RALYL: variants seen among roughly 807,000 people sequenced by gnomAD.
RALYL encodes RNA-binding Raly-like protein.
RALYL carries 29 observed loss-of-function variants against 35.1 expected under a neutral mutation model. The ratio of observed to expected loss-of-function variants is 0.83; its 90% CI spans 0.61 to 1.13. The LOEUF is 1.13. Ranked by LOEUF, RALYL falls within the 50% of genes most tolerant of loss-of-function variation. The pLI, the probability that RALYL is intolerant of heterozygous loss-of-function variation, is 0.00. For missense variants in RALYL, 359 were observed against 360.4 expected, an observed-to-expected ratio of 1.00 and a Z score of 0.03; for synonymous variants, 120 against 127.6, an observed-to-expected ratio of 0.94 and a Z score of 0.40.
intron 1 of RALYL, among the ~76,000 whole-genome samples, chr8:84,467,570 G>T (rs1325174909): frequency 6.7e-6 from 1 of 149,772 alleles, no homozygotes; most frequent in African/African-American, 2.4e-5. Context: ...CAAGTATGTG[G>T]TCAATTTTGG....
intron 4 of RALYL, among the ~76,000 whole-genome samples, chr8:84,814,820 G>T (rs1203266604): frequency 1.3e-5 from 2 of 152,158 alleles, no homozygotes; most frequent in Admixed American, 1.3e-4. Flanking sequence ...AAAAAGACCT[G>T]TTACTTCTTT....
At chr8:84,913,026 G>GGGTAGGTAGGTA (rs777817157) in intron 8 of RALYL, among the ~76,000 whole-genome samples, 1 of 98,980 alleles carries the variant, frequency 1.0e-5, no homozygotes, top group South Asian at 3.0e-4. Flanking sequence ...ATGGATGGAT[G>GGGTAGGTAGGTA]GATGGATAGG....
intron 2 of RALYL, among the ~76,000 whole-genome samples, chr8:84,557,851 T>G (rs892325886): frequency 6.6e-6 from 1 of 151,920 alleles, no homozygotes. Context: ...CAAAAGAAGA[T>G]TTTGCAATAA....
chr8:84,759,546 T>C (rs1812203988), intron 2 of RALYL, among the ~76,000 whole-genome samples: 1 of 152,174 alleles, frequency 6.6e-6, no homozygotes, highest in African/African-American at 2.4e-5. Flanking sequence ...ATAAAATTTT[T>C]ACCTTAAAGT....
intron 4 of RALYL, among the ~76,000 whole-genome samples, chr8:84,826,387 T>A (rs1301692778): frequency 6.6e-6 from 1 of 151,842 alleles, no homozygotes; most frequent in Non-Finnish European, 1.5e-5. Flanking sequence ...TTAATGTATG[T>A]GAAATGTTTG....
chr8:84,844,442 T>G (rs1411640485), intron 4 of RALYL, among the ~76,000 whole-genome samples: 3 of 152,238 alleles, frequency 2.0e-5, no homozygotes, highest in Admixed American at 6.5e-5. Context: ...CCAGTTAGAA[T>G]GGCAATCATT....
intron 2 of RALYL, among the ~76,000 whole-genome samples, chr8:84,562,979 C>T (rs549641631): frequency 4.0e-5 from 6 of 151,848 alleles, no homozygotes; most frequent in Non-Finnish European, 5.9e-5. Context: ...CAAAGCTTTC[C>T]TTGCAGAGAA....
At chr8:84,277,803 G>C (rs1458347033) in intron 1 of RALYL, among the ~76,000 whole-genome samples, 1 of 152,192 alleles carries the variant, frequency 6.6e-6, no homozygotes. Context: ...CACATCTAGG[G>C]CATGCTGATG....
rs1833294622 is a variant in RALYL, at chr8:84,671,761, T to G, written c.257-102818T>G. ...GCCTGGGCCCAGCCCACGAAACCATTTTTTCCTTCTAGGCCTCTGGGCCTG... is the reference window on the plus strand; with the variant it reads ...GCCTGGGCCCAGCCCACGAAACCATGTTTTCCTTCTAGGCCTCTGGGCCTG... On this transcript the variant is annotated intron_variant, in intron 2 of 8. Transcript: ENST00000521268. Among the ~76,000 whole-genome samples the G allele has an allele frequency of 2.0e-5, 3 of 152,124 alleles. No homozygotes were observed. In the South Asian group the frequency reaches 6.2e-4, roughly 32 times the overall value.
rs80281272 is a variant in RALYL, at chr8:84,287,173, G to C, written c.-24+102749G>C. 4.6e-3 allele frequency among the ~76,000 whole-genome samples: 700 copies of C among 152,266 alleles called. 8 individuals carry two copies. The highest frequency in any genetic ancestry group is 0.016 in the African/African-American group (681 of 41,556). On this transcript the variant is annotated intron_variant, in intron 1 of 8. Transcript: ENST00000521268. ...TTTCCATGCTTGGGAGTAGGGGTCAGGGAGTAGGCCTCTAAGAGGGATCTC... is the reference window on the plus strand; with the variant it reads ...TTTCCATGCTTGGGAGTAGGGGTCACGGAGTAGGCCTCTAAGAGGGATCTC...
intron 2 of RALYL, among the ~76,000 whole-genome samples, chr8:84,753,634 C>G (rs541932346): frequency 6.6e-6 from 1 of 152,090 alleles, no homozygotes; most frequent in Non-Finnish European, 1.5e-5. Context: ...CTCATGAGAT[C>G]TGATTGTTTA....
intron 2 of RALYL, among the ~76,000 whole-genome samples, chr8:84,753,654 G>A (rs1810621313): frequency 6.6e-6 from 1 of 152,046 alleles, no homozygotes; most frequent in African/African-American, 2.4e-5. Flanking sequence ...AAAAGTGTAT[G>A]GCACCTCTTC....
rs189418733 is a variant in RALYL, at chr8:84,261,081, T to C, written c.-24+76657T>C. 9.6e-4 allele frequency among the ~76,000 whole-genome samples: 143 copies of C among 149,516 alleles called. 1 individual carries two copies. The highest frequency in any genetic ancestry group is 3.4e-3 in the Middle Eastern group (1 of 292). ...TAAATATGGTTTGTCCCACTAACTT[T>C]GTGTAACTACAGTAGTTATTTACAG... On this transcript the variant is annotated intron_variant, in intron 1 of 8. Coordinates refer to ENST00000521268, the MANE Select transcript of RALYL (RefSeq NM_173848.7).
chr8:84,510,864 A>T (rs1049732165), intron 1 of RALYL, among the ~76,000 whole-genome samples: 1 of 152,014 alleles, frequency 6.6e-6, no homozygotes, highest in African/African-American at 2.4e-5. Flanking sequence ...ATGTTTTGAT[A>T]TATGTATACA....
chr8:84,487,478 T>A (rs902445537), intron 1 of RALYL, among the ~76,000 whole-genome samples: 1 of 152,058 alleles, frequency 6.6e-6, no homozygotes, highest in African/African-American at 2.4e-5. Flanking sequence ...ATTCTGGAAA[T>A]GGTGGTTGGT....
intron 1 of RALYL, among the ~76,000 whole-genome samples, chr8:84,454,330 C>G (rs545460003): frequency 0.043 from 6,533 of 151,950 alleles, 166 homozygotes; most frequent in Middle Eastern, 0.078. Flanking sequence ...GTAGGGCAAA[C>G]CTTTTTTAAA....
chr8:84,375,962 G>A (rs1034245810), intron 1 of RALYL, among the ~76,000 whole-genome samples: 12 of 151,816 alleles, frequency 7.9e-5, no homozygotes, highest in African/African-American at 2.9e-4. Context: ...ACTCAAATAA[G>A]CAGAATAGAA....
chr8:84,754,462 C>G lies in RALYL; in HGVS notation c.257-20117C>G, dbSNP rs144593115. ...CTACTTAGACATTCCACTTTGCCCT[C>G]TCCTCAGTTTCCTTTCACTTCTCCA... is the stretch of plus-strand genomic sequence containing the variant. On this transcript the variant is annotated intron_variant, in intron 2 of 8. Transcript: ENST00000521268. 3.4e-4 allele frequency among the ~76,000 whole-genome samples: 52 copies of G among 152,290 alleles called. 1 individual carries two copies. In the East Asian group the frequency reaches 9.5e-3, roughly 28 times the overall value.
intron 2 of RALYL, among the ~76,000 whole-genome samples, chr8:84,607,974 G>A (rs1182366337): frequency 1.3e-5 from 2 of 151,160 alleles, no homozygotes; most frequent in Non-Finnish European, 2.9e-5. Context: ...TCGAGTTGCT[G>A]TGAAGTTTCT....
Sources: allele counts gnomAD v4.1 joint callset (sites outside exome capture counted in the v4.1 genomes callset), GRCh38; gene constraint gnomAD v4.1.1; transcripts MANE v1.5; gene names NCBI Gene and HGNC (gene_info 2026-07-23, HGNC 2026-07-21).